Variants in BLTP1 observed in about 807,000 individuals in gnomAD.
The protein encoded by BLTP1 is bridge-like lipid transfer protein family member 1, also known as fragile site-associated protein.
chr4:122,291,966 GTTTTTTT>G, the BLTP1 span: 1 of 118,248 alleles, frequency 8.5e-6, no homozygotes, highest in Non-Finnish European at 1.6e-5. Flanking sequence ...GCATCAAACA[GTTTTTTT>G]TTTTTTTTTT....
At chr4:122,257,662 G>T in the BLTP1 span, among the ~76,000 whole-genome samples, 1 of 152,038 alleles carries the variant, frequency 6.6e-6, no homozygotes, top group Non-Finnish European at 1.5e-5. Context: ...TTTCCTCACA[G>T]TTACAAATAA....
chr4:122,246,399 G>A, the BLTP1 span: 2 of 1,147,904 alleles, frequency 1.7e-6, no homozygotes, highest in Admixed American at 2.9e-5. Flanking sequence ...AGAACAGTGT[G>A]TAATATTAAA....
the BLTP1 span, chr4:122,154,541 T>C: frequency 2.2e-6 from 2 of 920,788 alleles, no homozygotes; most frequent in African/African-American, 1.8e-5. Flanking sequence ...TTTTGCTTGC[T>C]CTTTAATCTA....
chr4:122,182,563 C>A, the BLTP1 span: 1 of 765,396 alleles, frequency 1.3e-6, no homozygotes, highest in Non-Finnish European at 1.6e-6. Flanking sequence ...CATAATCCTA[C>A]TCACTCATCA....
chr4:122,228,972 TTTA>T, the BLTP1 span: 6 of 645,982 alleles, frequency 9.3e-6, no homozygotes, highest in Admixed American at 1.1e-4. Flanking sequence ...GCTGATTTCA[TTTA>T]TTATTATAAA....
chr4:122,288,118 G>A, the BLTP1 span, among the ~76,000 whole-genome samples: 2 of 152,102 alleles, frequency 1.3e-5, no homozygotes, highest in Non-Finnish European at 2.9e-5. Flanking sequence ...AAACATACCT[G>A]AAAATAGTTT....
chr4:122,354,832 A>G, the BLTP1 span, among the ~76,000 whole-genome samples: 1 of 151,838 alleles, frequency 6.6e-6, no homozygotes, highest in South Asian at 2.1e-4. Context: ...ACGCCCGGCT[A>G]ATTTTTGTAT....
At chr4:122,345,211 T>A in the BLTP1 span, among the ~76,000 whole-genome samples, 2 of 152,114 alleles carry the variant, frequency 1.3e-5, no homozygotes, top group Non-Finnish European at 2.9e-5. Flanking sequence ...CAGGCATGAA[T>A]AAGACAAGGT....
At chr4:122,215,834 A>AC in the BLTP1 span, among the ~76,000 whole-genome samples, 4,620 of 146,226 alleles carry the variant, frequency 0.032, 231 homozygotes, top group African/African-American at 0.11. Context: ...TTTATCCCTC[A>AC]CCCCCCCCAT....
chr4:122,297,264 C>T, the BLTP1 span, among the ~76,000 whole-genome samples: 4 of 152,234 alleles, frequency 2.6e-5, no homozygotes, highest in South Asian at 8.3e-4. Context: ...AGACACTTCT[C>T]AAAAGAAGAC....
the BLTP1 span, chr4:122,188,162 T>A: frequency 1.6e-6 from 2 of 1,279,164 alleles, no homozygotes; most frequent in Non-Finnish European, 1.0e-6. Flanking sequence ...TTTAACATCC[T>A]TTTACTTTTT....
At chr4:122,154,669 C>T in the BLTP1 span, among the ~76,000 whole-genome samples, 1 of 152,054 alleles carries the variant, frequency 6.6e-6, no homozygotes, top group Non-Finnish European at 1.5e-5. Context: ...GTCAGGAGAT[C>T]GAGACCATCC....
At chr4:122,187,973 A>G in the BLTP1 span, 1 of 1,597,250 alleles carries the variant, frequency 6.3e-7, no homozygotes, top group Non-Finnish European at 8.5e-7. Flanking sequence ...AACTTATACT[A>G]CAAAACCACC....
chr4:122,181,296 G>T, the BLTP1 span: 1 of 913,450 alleles, frequency 1.1e-6, no homozygotes, highest in Non-Finnish European at 1.3e-6. Flanking sequence ...TGCTCCTGGC[G>T]CAGAATTTGG....
chr4:122,159,901 G>C, the BLTP1 span, among the ~76,000 whole-genome samples: 2 of 152,192 alleles, frequency 1.3e-5, no homozygotes, highest in Non-Finnish European at 2.9e-5. Flanking sequence ...TTGGGCTTTA[G>C]AACTAGTTAA....
chr4:122,291,233 C>T, the BLTP1 span, among the ~76,000 whole-genome samples: 10 of 152,120 alleles, frequency 6.6e-5, no homozygotes, highest in Admixed American at 2.6e-4. Flanking sequence ...CTGACTTTAG[C>T]GACAGCCATG....
chr4:122,246,157 T>C, the BLTP1 span: 4 of 1,573,798 alleles, frequency 2.5e-6, no homozygotes, highest in African/African-American at 4.1e-5. Flanking sequence ...TTTAGTTATC[T>C]TCCAAACAAG....
the BLTP1 span, among the ~76,000 whole-genome samples, chr4:122,190,881 G>A: frequency 6.6e-6 from 1 of 151,960 alleles, no homozygotes; most frequent in African/African-American, 2.4e-5. Context: ...AGTATTTAAG[G>A]TCAAAGTATT....
the BLTP1 span, among the ~76,000 whole-genome samples, chr4:122,154,716 A>G: frequency 6.6e-6 from 1 of 152,132 alleles, no homozygotes; most frequent in South Asian, 2.1e-4. Flanking sequence ...TACTAAAAAT[A>G]CAAAAATTTA....
Sources: gnomAD v4.1 joint callset for allele counts (sites outside exome capture counted in the v4.1 genomes callset) on GRCh38, gnomAD v4.1.1 for gene constraint, MANE v1.5 for transcripts, NCBI Gene and HGNC (gene_info 2026-07-23, HGNC 2026-07-21) for gene names.